CLIP2: variants seen among roughly 807,000 people sequenced by gnomAD.
CLIP2 encodes the protein CAP-Gly domain-containing linker protein 2.
CLIP2 carries 41 observed loss-of-function variants against 111.7 expected under a neutral mutation model. The observed-to-expected ratio is 0.37, with a 90% CI of 0.29 to 0.48. The LOEUF is 0.48. CLIP2 is among the 20% of genes least tolerant of loss of function. The pLI is 0.99. For synonymous variants in CLIP2, 660 were observed against 644.2 expected, an observed-to-expected ratio of 1.02 and a Z score of -0.37; for missense variants, 1,160 against 1,422.1, an observed-to-expected ratio of 0.82 and a Z score of 2.96.
intron 13 of CLIP2, among the ~76,000 whole-genome samples, chr7:74,390,207 AAG>A (rs1791256046): frequency 1.0e-5 from 1 of 98,862 alleles, no homozygotes; most frequent in Non-Finnish European, 2.4e-5. Flanking sequence ...GAAAGAAAGA[AAG>A]AAAGAAAGAA....
At chr7:74,390,869 G>A (rs946885782) in intron 13 of CLIP2, among the ~76,000 whole-genome samples, 95 of 151,772 alleles carry the variant, frequency 6.3e-4, no homozygotes, top group African/African-American at 2.0e-3. Context: ...CCAACATGGC[G>A]AAACCCTGTC....
intron 8 of CLIP2, among the ~76,000 whole-genome samples, chr7:74,365,046 T>A (rs1388615310): frequency 7.8e-6 from 1 of 128,152 alleles, no homozygotes; most frequent in African/African-American, 3.0e-5. Flanking sequence ...TGTGTGTGTG[T>A]GTGTGACTGT....
At chr7:74,363,906 A>T (rs1554310259) in intron 7 of CLIP2, among the ~76,000 whole-genome samples, 1 of 150,854 alleles carries the variant, frequency 6.6e-6, no homozygotes, top group Non-Finnish European at 1.5e-5. Flanking sequence ...AAAAAAAAAA[A>T]AAAAAGGGAG....
At chr7:74,291,442 AG>A (rs1348678025) in intron 1 of CLIP2, among the ~76,000 whole-genome samples, 2 of 152,312 alleles carry the variant, frequency 1.3e-5, no homozygotes, top group African/African-American at 4.8e-5. Flanking sequence ...GGAGCTTAAC[AG>A]CCCGGGTTCA....
At chr7:74,325,992 T>G (rs1554730633) in intron 2 of CLIP2, among the ~76,000 whole-genome samples, 1 of 150,282 alleles carries the variant, frequency 6.7e-6, no homozygotes, top group Non-Finnish European at 1.5e-5. Context: ...TAATCCCAGC[T>G]CTTTGGGAGG....
At position 74,354,007 on chromosome 7, in the gene CLIP2, A is replaced by G; in HGVS notation, c.803+3A>G. The G allele has an allele frequency of 6.2e-7, 1 of 1,609,444 alleles. No individual in the cohort carries two copies. On this transcript the variant is annotated splice_donor_region_variant and intron_variant, in intron 4 of 16. Transcript: ENST00000223398. ...GATGGGGCGGTGGCGGGCACCAGGT[A>G]TGGTGGGCTTCTTCTGGGGAGTATG... is the stretch of plus-strand genomic sequence containing the variant.
intron 2 of CLIP2, among the ~76,000 whole-genome samples, chr7:74,330,161 T>C (rs1789236012): frequency 6.6e-6 from 1 of 151,906 alleles, no homozygotes; most frequent in Admixed American, 6.6e-5. Flanking sequence ...ACTCCTGGCC[T>C]CAAGCGATCC....
At chr7:74,329,928 C>T (rs376909700) in intron 2 of CLIP2, among the ~76,000 whole-genome samples, 14 of 151,642 alleles carry the variant, frequency 9.2e-5, no homozygotes, top group East Asian at 1.9e-4. Context: ...TACAAGCGCG[C>T]GCCACCACAC....
In CLIP2 at chr7:74,338,720, T is replaced by TG. The variant is rs1789556509; in HGVS notation, c.395dup (p.Cys132TrpfsTer26). 1 of 1,591,178 alleles carries TG rather than the reference T, an allele frequency of 6.3e-7. No homozygotes were observed. Among genetic ancestry groups the TG allele is most frequent in the Non-Finnish European group, 8.5e-7 (1 of 1,172,352 alleles). On this transcript the variant is annotated frameshift_variant, in exon 3 of 17. Transcript: ENST00000223398. LOFTEE classifies it high-confidence loss of function. This position sits in a 1 kb window ranked among gnomAD's most constrained non-coding sequence, Gnocchi z 4.3. ...GGTGGGCGGCGTGCGCTACTTCGAG[T>TG]GCCCGGCCCTCCAGGGTATCTTCAC... is the stretch of plus-strand genomic sequence containing the variant.
Position 74,360,186 on chromosome 7 carries a change from A to C in CLIP2, c.1227A>C (p.Glu409Asp), listed in dbSNP as rs1554309439. ...CCTTGGGGGCCCAGTATGTTGCAGA[A>C]GCCGAGGAGAAGCTGCAGCGAGCCC... is the stretch of plus-strand genomic sequence containing the variant. ...LKAQHEQYVA[E>D]AEEKLQRARL... is the part of the protein sequence containing the mutation. Residue 409 changes from glutamate (E) to aspartate (D), a missense_variant, in exon 7 of 17, where the codon GAA (glutamate) becomes GAC (aspartate). Glu to Asp is a conservative substitution (Grantham distance 45). Coordinates refer to ENST00000223398, the MANE Select transcript of CLIP2 (RefSeq NM_003388.5). The C allele has an allele frequency of 1.9e-6, 3 of 1,604,190 alleles. No homozygotes were observed. The Admixed American group carries it at 5.1e-5, about 27-fold the overall frequency.
rs189218192 is a variant in CLIP2, at chr7:74,348,614, C to T, written c.679-5266C>T. Among the ~76,000 whole-genome samples, 433 of 151,562 alleles carry T rather than the reference C, an allele frequency of 2.9e-3. 5 individuals carry two copies. Among genetic ancestry groups the T allele is most frequent in the Non-Finnish European group, 2.4e-3 (162 of 67,902 alleles). ...ACCATCCTGGCTAACACGGTGAAAC[C>T]CCGTCTCTACTAAAAATACAAAAAA... On this transcript the variant is annotated intron_variant, in intron 3 of 16. Transcript: ENST00000223398.
At chr7:74,354,351 T>C (rs1194245684) in intron 4 of CLIP2, among the ~76,000 whole-genome samples, 1 of 152,136 alleles carries the variant, frequency 6.6e-6, no homozygotes, top group Admixed American at 6.6e-5. Context: ...CAGTGGCTCA[T>C]GCCTGTAATC....
At chr7:74,302,569 C>T (rs1267616251) in intron 1 of CLIP2, among the ~76,000 whole-genome samples, 1 of 152,174 alleles carries the variant, frequency 6.6e-6, no homozygotes, top group Non-Finnish European at 1.5e-5. Context: ...GACCGGAACC[C>T]AGGCTTCTAG....
intron 3 of CLIP2, among the ~76,000 whole-genome samples, chr7:74,340,943 G>C (rs1789642789): frequency 6.6e-6 from 1 of 152,230 alleles, no homozygotes; most frequent in Admixed American, 6.5e-5. Flanking sequence ...TGGGGACCCA[G>C]AGCAGGGATC....
intron 4 of CLIP2, 21 bp downstream of exon 4, chr7:74,354,025 G>A (rs781962924): frequency 6.3e-7 from 1 of 1,597,384 alleles, no homozygotes; most frequent in African/African-American, 1.3e-5. Flanking sequence ...CTTCTTCTGG[G>A]GAGTATGGGA....
intron 1 of CLIP2, among the ~76,000 whole-genome samples, chr7:74,294,918 G>A (rs568701253): frequency 5.0e-4 from 76 of 152,228 alleles, no homozygotes; most frequent in African/African-American, 1.8e-3. Flanking sequence ...GGTGGGTGGG[G>A]TAGTCTGAAG....
intron 11 of CLIP2, 84 bp downstream of exon 11, chr7:74,380,947 T>C (rs1790925412): frequency 7.2e-7 from 1 of 1,383,384 alleles, no homozygotes; most frequent in Admixed American, 1.7e-5. Context: ...CACATTTTGG[T>C]TTGCATCATC....
chr7:74,387,230 G>A (rs1791136565), intron 12 of CLIP2, among the ~76,000 whole-genome samples: 1 of 151,780 alleles, frequency 6.6e-6, no homozygotes, highest in Non-Finnish European at 1.5e-5. Flanking sequence ...AAGACTTTCT[G>A]GTTTCTCTCT....
chr7:74,393,550 G>A (rs988357567), intron 13 of CLIP2, among the ~76,000 whole-genome samples: 3 of 151,154 alleles, frequency 2.0e-5, no homozygotes, highest in Non-Finnish European at 4.4e-5. Flanking sequence ...TGGTCATGCT[G>A]GTCTCGAACT....
Sources: gnomAD v4.1 joint callset for allele counts (sites outside exome capture counted in the v4.1 genomes callset) on GRCh38, gnomAD v4.1.1 for gene constraint, Gnocchi (gnomAD v3.1) non-coding constraint, MANE v1.5 for transcripts, NCBI Gene and HGNC (gene_info 2026-07-23, HGNC 2026-07-21) for gene names.